SLMAP: variants seen among roughly 807,000 people sequenced by gnomAD.
SLMAP encodes the protein sarcolemma associated protein.
In SLMAP, 44 loss-of-function variants were observed where a neutral mutation model predicts 128.8. The observed-to-expected ratio is 0.34, with a 90% CI of 0.27 to 0.44. SLMAP has a LOEUF of 0.44. Among genes scored for constraint, SLMAP ranks in the 20% least tolerant of loss-of-function variants. The probability of loss-of-function intolerance (pLI) is 1.00; values close to 1 mark genes in which losing one functional copy is unlikely to be tolerated. For synonymous variants in SLMAP, 327 were observed against 348.8 expected, an observed-to-expected ratio of 0.94 and a Z score of 0.70; for missense variants, 787 against 985.3, an observed-to-expected ratio of 0.80 and a Z score of 2.69.
intron 22 of SLMAP, among the ~76,000 whole-genome samples, chr3:57,919,963 G>A (rs529168427): frequency 1.3e-5 from 2 of 152,256 alleles, no homozygotes; most frequent in South Asian, 4.2e-4. Flanking sequence ...CTGCCTTCCT[G>A]TGGTTCTGCT....
chr3:57,812,229 AT>A (rs1025516764), intron 2 of SLMAP, among the ~76,000 whole-genome samples: 4 of 152,160 alleles, frequency 2.6e-5, no homozygotes, highest in African/African-American at 4.8e-5. Flanking sequence ...TCATTGATCC[AT>A]TTTGAGTTCA....
intron 2 of SLMAP, among the ~76,000 whole-genome samples, chr3:57,799,763 A>G (rs1405801756): frequency 6.6e-6 from 1 of 152,184 alleles, no homozygotes; most frequent in African/African-American, 2.4e-5. Context: ...CCCAACTTTT[A>G]AAACTTTATT....
At chr3:57,855,405 G>T (rs1479749409) in intron 6 of SLMAP, among the ~76,000 whole-genome samples, 1 of 151,744 alleles carries the variant, frequency 6.6e-6, no homozygotes, top group Non-Finnish European at 1.5e-5. Context: ...AAAAGAAAAA[G>T]ATAGAAAATG....
At chr3:57,827,761 T>C (rs991030200) in intron 2 of SLMAP, among the ~76,000 whole-genome samples, 5 of 152,208 alleles carry the variant, frequency 3.3e-5, no homozygotes, top group African/African-American at 1.2e-4. Context: ...CTTTATTTCT[T>C]TTTTAATGTG....
intron 13 of SLMAP, among the ~76,000 whole-genome samples, chr3:57,869,050 A>G (rs1186226894): frequency 1.4e-5 from 2 of 137,942 alleles, no homozygotes; most frequent in Admixed American, 7.9e-5. Flanking sequence ...TATATTATAT[A>G]TATTATATAT....
At chr3:57,781,586 G>A (rs1002935789) in intron 2 of SLMAP, among the ~76,000 whole-genome samples, 4 of 152,224 alleles carry the variant, frequency 2.6e-5, no homozygotes, top group African/African-American at 7.2e-5. Context: ...TAGTAGCTGC[G>A]GTTACCTGGG....
chr3:57,822,367 T>C (rs1156770795), intron 2 of SLMAP, among the ~76,000 whole-genome samples: 2 of 152,016 alleles, frequency 1.3e-5, no homozygotes, highest in African/African-American at 4.8e-5. Context: ...CTGCTTAATA[T>C]GCCTGAGGCT....
intron 2 of SLMAP, among the ~76,000 whole-genome samples, chr3:57,761,417 C>T (rs1187731386): frequency 6.6e-6 from 1 of 152,120 alleles, no homozygotes; most frequent in African/African-American, 2.4e-5. Flanking sequence ...ACCTCAGCTT[C>T]TCAAGTAGCT....
At chr3:57,842,759 A>G (rs1388524641) in intron 4 of SLMAP, among the ~76,000 whole-genome samples, 1 of 152,046 alleles carries the variant, frequency 6.6e-6, no homozygotes, top group Non-Finnish European at 1.5e-5. Context: ...GTCTTTTCTT[A>G]TATGGTTAAA....
At chr3:57,869,561 G>A (rs2095417298) in intron 13 of SLMAP, among the ~76,000 whole-genome samples, 1 of 143,666 alleles carries the variant, frequency 7.0e-6, no homozygotes, top group East Asian at 2.1e-4. Context: ...AGGTTGTAGT[G>A]CACTACAATC....
chr3:57,924,183 A>G (rs987699324), intron 23 of SLMAP, among the ~76,000 whole-genome samples: 10 of 152,096 alleles, frequency 6.6e-5, no homozygotes, highest in Non-Finnish European at 1.5e-4. Flanking sequence ...TAACTTTGCT[A>G]TTATTATTTA....
intron 15 of SLMAP, 74 bp downstream of exon 15, chr3:57,890,174 A>G (rs2096021184): frequency 1.4e-6 from 2 of 1,453,770 alleles, no homozygotes; most frequent in Non-Finnish European, 1.9e-6. Flanking sequence ...TTTCAAGGTT[A>G]TAGTATTTTA....
chr3:57,869,378 T>C (rs1403521387), intron 13 of SLMAP, among the ~76,000 whole-genome samples: 2 of 151,210 alleles, frequency 1.3e-5, no homozygotes, highest in Non-Finnish European at 2.9e-5. Flanking sequence ...GGCAACAACC[T>C]CACAGACACA....
intron 2 of SLMAP, among the ~76,000 whole-genome samples, chr3:57,813,264 T>G (rs1440890051): frequency 6.6e-6 from 1 of 152,042 alleles, no homozygotes; most frequent in Non-Finnish European, 1.5e-5. Context: ...CCCAGCTAAT[T>G]TTTGTATTTT....
rs749971369 is a variant in SLMAP, at chr3:57,912,336, CTTTTA to C, written c.1700-42_1700-38del. On this transcript the variant is annotated intron_variant, in intron 19 of 24. Coordinates refer to ENST00000671191, the MANE Select transcript of SLMAP (RefSeq NM_001377540.1). ...TAGCTACAATCCTGTATGGATTATT[CTTTTA>C]TTCTAATGGGCCAAGAAAATGATGG... The C allele has an allele frequency of 3.2e-6, 5 of 1,540,304 alleles. No homozygotes were observed. The Admixed American group carries it at 8.5e-5, about 26-fold the overall frequency.
Position 57,891,566 on chromosome 3 carries a change from G to A in SLMAP, c.1360+1466G>A, listed in dbSNP as rs536110714. 4.7e-5 allele frequency among the ~76,000 whole-genome samples: 7 copies of A among 148,466 alleles called. No individual in the cohort carries two copies. The East Asian group carries it at 1.4e-3, about 29-fold the overall frequency. On this transcript the variant is annotated intron_variant, in intron 15 of 24. Transcript: ENST00000671191. Reference sequence around the variant, plus strand: ...TTTTGATCCAACAATTCCACTTTTGGGTTTTTAACCCTTTTTTTTTTTTCC... The same window carrying A: ...TTTTGATCCAACAATTCCACTTTTGAGTTTTTAACCCTTTTTTTTTTTTCC...
chr3:57,811,254 C>T (rs548568794), intron 2 of SLMAP, among the ~76,000 whole-genome samples: 1 of 152,038 alleles, frequency 6.6e-6, no homozygotes, highest in Admixed American at 6.5e-5. Context: ...TTTTTTCCTC[C>T]CTCCAGTCCC....
At chr3:57,902,481 T>C (rs1324345832) in intron 17 of SLMAP, among the ~76,000 whole-genome samples, 2 of 152,212 alleles carry the variant, frequency 1.3e-5, no homozygotes, top group Admixed American at 6.6e-5. Flanking sequence ...AGCAATGATA[T>C]GATCAGATCT....
chr3:57,786,971 T>C (rs987578373), intron 2 of SLMAP, among the ~76,000 whole-genome samples: 5 of 151,994 alleles, frequency 3.3e-5, no homozygotes, highest in Admixed American at 1.3e-4. Flanking sequence ...CGCCTGACCT[T>C]GTGATCCGCC....
Sources: gnomAD v4.1 joint callset for allele counts (sites outside exome capture counted in the v4.1 genomes callset) on GRCh38, gnomAD v4.1.1 for gene constraint, MANE v1.5 for transcripts, NCBI Gene and HGNC (gene_info 2026-07-23, HGNC 2026-07-21) for gene names.